Variants in CSMD1 observed in about 807,000 individuals in gnomAD.
CSMD1 encodes CUB and Sushi multiple domains 1, also known as CUB and sushi domain-containing protein 1.
CSMD1 carries 213 observed loss-of-function variants against 417.5 expected under a neutral mutation model. The observed-to-expected ratio is 0.51, with a 90% CI of 0.46 to 0.57. The LOEUF is 0.57. Among genes scored for constraint, CSMD1 ranks in the 20% least tolerant of loss-of-function variants. The pLI is 0.00. For synonymous variants in CSMD1, 2,862 were observed against 1,736.8 expected (o/e 1.65, Z -16.11); for missense variants, 6,923 against 4,529.7 (o/e 1.53, Z -15.17).
intron 1 of CSMD1, among the ~76,000 whole-genome samples, chr8:4,936,729 C>G (rs1807645847): frequency 1.3e-5 from 2 of 152,166 alleles, no homozygotes; most frequent in Non-Finnish European, 1.5e-5. Flanking sequence ...TGTTAATAGG[C>G]AGGACCTGAT....
intron 5 of CSMD1, among the ~76,000 whole-genome samples, chr8:3,938,057 C>T (rs1744293624): frequency 6.6e-6 from 1 of 152,052 alleles, no homozygotes; most frequent in African/African-American, 2.4e-5. Flanking sequence ...TGACTTCCAA[C>T]AATATTCTGG....
chr8:3,270,068 G>A, intron 26 of CSMD1, among the ~76,000 whole-genome samples: 1 of 36,622 alleles, frequency 2.7e-5, no homozygotes, highest in East Asian at 4.1e-4. Context: ...TTTTTTTTTT[G>A]AGATGGAGTC....
At chr8:3,825,796 G>C (rs369859210) in intron 5 of CSMD1, among the ~76,000 whole-genome samples, 1 of 152,278 alleles carries the variant, frequency 6.6e-6, no homozygotes, top group Non-Finnish European at 1.5e-5. Flanking sequence ...GCTTAGTCCA[G>C]ATGATATGGA....
At chr8:3,631,276 A>C (rs769810639) in intron 7 of CSMD1, among the ~76,000 whole-genome samples, 7 of 152,162 alleles carry the variant, frequency 4.6e-5, no homozygotes, top group Non-Finnish European at 8.8e-5. Flanking sequence ...CCTTCCAACT[A>C]TCATGTAGGC....
At chr8:3,684,317 T>C (rs928145857) in intron 7 of CSMD1, among the ~76,000 whole-genome samples, 1 of 145,510 alleles carries the variant, frequency 6.9e-6, no homozygotes, top group Non-Finnish European at 1.5e-5. Context: ...ATATAAAATA[T>C]ATAGCTATAT....
chr8:3,712,375 G>GGAGAGAGAGAGAGA (rs746268570), intron 6 of CSMD1, among the ~76,000 whole-genome samples: 1 of 112,286 alleles, frequency 8.9e-6, no homozygotes, highest in Admixed American at 9.1e-5. Flanking sequence ...CAAAGAAACA[G>GGAGAGAGAGAGAGA]GAGAGAGAGA....
At chr8:4,869,246 G>C (rs1802591896) in intron 1 of CSMD1, among the ~76,000 whole-genome samples, 2 of 151,932 alleles carry the variant, frequency 1.3e-5, no homozygotes, top group Admixed American at 1.3e-4. Flanking sequence ...GTGTGGCTAT[G>C]AACGTATATA....
At chr8:3,633,659 T>C (rs1463599542) in intron 7 of CSMD1, among the ~76,000 whole-genome samples, 1 of 152,228 alleles carries the variant, frequency 6.6e-6, no homozygotes, top group Non-Finnish European at 1.5e-5. Context: ...TTTTCAATCT[T>C]AAGACATGAA....
intron 10 of CSMD1, among the ~76,000 whole-genome samples, chr8:3,510,788 T>G (rs1436009280): frequency 6.6e-6 from 1 of 151,900 alleles, no homozygotes; most frequent in African/African-American, 2.4e-5. Context: ...CCTATGTTTA[T>G]TAGCCGCATA....
chr8:4,058,986 C>T lies in CSMD1; in HGVS notation c.416-26887G>A, dbSNP rs1445370320. 1.2e-3 allele frequency among the ~76,000 whole-genome samples: 189 copies of T among 151,902 alleles called. 2 individuals are homozygous for T. Among genetic ancestry groups the T allele is most frequent in the African/African-American group, 4.4e-3 (181 of 41,330 alleles). On this transcript the variant is annotated intron_variant, in intron 3 of 69. Transcript: ENST00000635120. ...CTCTCCACCCCAAATCAACACAACA[C>T]AAATTCTTTTCAGAACCACACCACA...
At chr8:4,308,863 G>C (rs1437841751) in intron 3 of CSMD1, among the ~76,000 whole-genome samples, 1 of 152,092 alleles carries the variant, frequency 6.6e-6, no homozygotes, top group African/African-American at 2.4e-5. Flanking sequence ...GGCATGTAAT[G>C]ATTATATTAT....
At chr8:3,138,668 T>G (rs927204610) in intron 41 of CSMD1, among the ~76,000 whole-genome samples, 1 of 152,150 alleles carries the variant, frequency 6.6e-6, no homozygotes, top group East Asian at 1.9e-4. Context: ...ATGGAAAGCA[T>G]TGCAGGCTGA....
chr8:4,289,897 C>A (rs1339604690), intron 3 of CSMD1, among the ~76,000 whole-genome samples: 1 of 152,138 alleles, frequency 6.6e-6, no homozygotes, highest in African/African-American at 2.4e-5. Flanking sequence ...AGGAATGAAT[C>A]AAATGGTACC....
intron 4 of CSMD1, among the ~76,000 whole-genome samples, chr8:4,026,291 C>T (rs984052985): frequency 6.6e-6 from 1 of 152,150 alleles, no homozygotes; most frequent in Non-Finnish European, 1.5e-5. Context: ...AGTCATACTA[C>T]ACCAGACACT....
At chr8:4,963,866 TC>T (rs1809677795) in intron 1 of CSMD1, among the ~76,000 whole-genome samples, 1 of 152,100 alleles carries the variant, frequency 6.6e-6, no homozygotes, top group South Asian at 2.1e-4. Flanking sequence ...TAACCTAAGC[TC>T]ATAGAAATAC....
At chr8:3,672,251 C>A (rs969634928) in intron 7 of CSMD1, among the ~76,000 whole-genome samples, 10 of 152,060 alleles carry the variant, frequency 6.6e-5, no homozygotes, top group African/African-American at 2.4e-4. Flanking sequence ...TTAAAACTTA[C>A]ACATTATATT....
intron 2 of CSMD1, among the ~76,000 whole-genome samples, chr8:4,518,665 T>C (rs1011804321): frequency 6.0e-5 from 9 of 149,250 alleles, no homozygotes; most frequent in African/African-American, 2.2e-4. Context: ...TACCTAATGC[T>C]AAATGACGAG....
chr8:3,918,791 T>C (rs1424095973), intron 5 of CSMD1, among the ~76,000 whole-genome samples: 2 of 152,132 alleles, frequency 1.3e-5, no homozygotes, highest in Admixed American at 1.3e-4. Context: ...AAACCAAACA[T>C]TTTATGTTCT....
intron 23 of CSMD1, among the ~76,000 whole-genome samples, chr8:3,338,539 A>T (rs1807424119): frequency 1.3e-5 from 2 of 152,138 alleles, no homozygotes; most frequent in African/African-American, 4.8e-5. Context: ...GAAGAGAAAG[A>T]ATTGTGAATG....
Sources: allele counts gnomAD v4.1 joint callset (sites outside exome capture counted in the v4.1 genomes callset), GRCh38; gene constraint gnomAD v4.1.1; transcripts MANE v1.5; gene names NCBI Gene and HGNC (gene_info 2026-07-23, HGNC 2026-07-21).